The following SEC61A1 variants were observed in gnomAD, a reference collection of about 807,000 sequenced individuals.
SEC61A1 encodes SEC61 translocon subunit alpha 1.
A neutral mutation model predicts 55.2 loss-of-function variants in SEC61A1; 15 were observed. That is an observed-to-expected ratio of 0.27 (90% CI 0.18 to 0.42). The LOEUF (loss-of-function observed/expected upper bound fraction) is 0.42. SEC61A1 is among the 10% of genes least tolerant of loss of function. SEC61A1 has a pLI of 1.00. For synonymous variants in SEC61A1, 247 were observed against 234.0 expected (o/e 1.06, Z -0.51); for missense variants, 284 against 602.6 (o/e 0.47, Z 5.53).
At chr3:128,055,095 A>G (rs1323983567) in intron 2 of SEC61A1, among the ~76,000 whole-genome samples, 6 of 152,224 alleles carry the variant, frequency 3.9e-5, no homozygotes, top group Non-Finnish European at 7.3e-5. Flanking sequence ...TGAAACTCAA[A>G]TGAAAAGTGG....
intron 8 of SEC61A1, chr3:128,066,581 C>T (rs1333172558): frequency 1.3e-5 from 3 of 227,700 alleles, no homozygotes; most frequent in African/African-American, 6.9e-5. Context: ...CACCACCACA[C>T]CCGGCCAGTT....
In SEC61A1 at chr3:128,070,270, A is replaced by C. The variant is rs2107655763; in HGVS notation, c.*608A>C. 1 of 151,874 alleles carries C rather than the reference A, an allele frequency of 6.6e-6. No homozygotes were observed. Among genetic ancestry groups the C allele is most frequent in the Non-Finnish European group, 1.5e-5 (1 of 67,914 alleles). The allele number at this position is 151,874 out of a possible 1,614,324, so 9.4% of individuals were successfully genotyped here. On this transcript the variant is annotated 3_prime_UTR_variant, in exon 12 of 12. Coordinates refer to ENST00000243253, the MANE Select transcript of SEC61A1 (RefSeq NM_013336.4). Reference sequence around the variant, plus strand: ...GAGAGGGATGGCTTTCCCAGAAGACACTCCTGGCCATCTGTGGATTTGTCT... The same window carrying C: ...GAGAGGGATGGCTTTCCCAGAAGACCCTCCTGGCCATCTGTGGATTTGTCT...
chr3:128,058,708 A>G (rs940751200), intron 5 of SEC61A1, among the ~76,000 whole-genome samples: 2 of 152,118 alleles, frequency 1.3e-5, no homozygotes, highest in African/African-American at 4.8e-5. Flanking sequence ...CTACAAAACA[A>G]CAACAACAAA....
chr3:128,065,438 G>A (rs1336792737), intron 8 of SEC61A1, among the ~76,000 whole-genome samples: 2 of 152,194 alleles, frequency 1.3e-5, no homozygotes, highest in African/African-American at 4.8e-5. Flanking sequence ...TTCTTAAGCT[G>A]TCTTACCTTT....
chr3:128,054,444 CAAGAG>C (rs1273841290), intron 2 of SEC61A1, among the ~76,000 whole-genome samples: 3 of 152,190 alleles, frequency 2.0e-5, no homozygotes, highest in African/African-American at 4.8e-5. Context: ...GGACCATTCT[CAAGAG>C]AAGAAGAGTC....
Position 128,069,647 on chromosome 3 carries a change from G to A in SEC61A1, c.1416G>A (p.Gly472=). The A allele has an allele frequency of 6.2e-7, 1 of 1,614,080 alleles. No individual in the cohort carries two copies. Among genetic ancestry groups the A allele is most frequent in the Non-Finnish European group, 8.5e-7 (1 of 1,180,004 alleles). The change falls in exon 12 of 12, where the codon GGG becomes GGA. Residue 472 remains glycine, a synonymous_variant. Coordinates refer to ENST00000243253, the MANE Select transcript of SEC61A1 (RefSeq NM_013336.4). ...AGCAAAGCGAGGTTGGCAGCATGGG[G>A]GCCCTGCTCTTCTGAGCCCGTCTCC... ...VKEQSEVGSM[G]ALLF
chr3:128,052,705 A>C (rs1941707424), intron 1 of SEC61A1, 130 bp from the exon 2 acceptor site: 5 of 1,496,586 alleles, frequency 3.3e-6, no homozygotes, highest in African/African-American at 1.4e-5. Context: ...GAGTATCCCC[A>C]CGCGTCCGGG....
intron 8 of SEC61A1, 88 bp downstream of exon 8, chr3:128,065,125 GC>G: frequency 3.8e-6 from 5 of 1,317,614 alleles, no homozygotes; most frequent in Non-Finnish European, 5.5e-6. Context: ...TCTGTGGGGT[GC>G]ACTGTCATCA....
At chr3:128,069,447 C>T in intron 11 of SEC61A1, 29 bp from the exon 12 acceptor site, 1 of 1,600,006 alleles carries the variant, frequency 6.2e-7, no homozygotes, top group Middle Eastern at 1.8e-4. Context: ...CTGTGGGTGT[C>T]CAGGAGCTGA....
In SEC61A1 at chr3:128,060,121, T is replaced by C. The variant is rs192396117; in HGVS notation, c.372T>C (p.Thr124=). ...TTCTAGTATTTGGCATGATCATTAC[T>C]ATCGGCCAGTCTATCGTGTATGTGA... is the stretch of plus-strand genomic sequence containing the variant. ...GAQKLFGMII[T]IGQSIVYVMT... is the part of the protein sequence containing the mutation. Residue 124 remains threonine (T), a synonymous_variant, in exon 6 of 12, where the codon ACT becomes ACC. Coordinates refer to ENST00000243253, the MANE Select transcript of SEC61A1 (RefSeq NM_013336.4). The C allele has an allele frequency of 1.6e-4, 255 of 1,613,734 alleles. 1 individual carries two copies. The East Asian group carries it at 4.0e-3, about 26-fold the overall frequency.
chr3:128,052,214 C>T (rs1941688026), upstream of SEC61A1, among the ~76,000 whole-genome samples: 1 of 152,006 alleles, frequency 6.6e-6, no homozygotes, highest in African/African-American at 2.4e-5. Flanking sequence ...CAAGTCTGCG[C>T]AGCCGCACAC....
At chr3:128,055,366 T>A (rs750996199) in intron 2 of SEC61A1, 150 bp from the exon 3 acceptor site, 19 of 683,602 alleles carry the variant, frequency 2.8e-5, no homozygotes, top group Non-Finnish European at 4.2e-5. Flanking sequence ...ATGGTACTTA[T>A]GTTTGGTACA....
intron 7 of SEC61A1, among the ~76,000 whole-genome samples, chr3:128,061,161 C>T (rs943575372): frequency 6.6e-6 from 1 of 152,232 alleles, no homozygotes; most frequent in Non-Finnish European, 1.5e-5. Context: ...GCGTTCAAAT[C>T]CTGGCTGTTC....
At chr3:128,060,778 A>C (rs1055282826) in intron 7 of SEC61A1, 117 bp downstream of exon 7, 4 of 1,107,580 alleles carry the variant, frequency 3.6e-6, no homozygotes, top group Admixed American at 6.0e-5. Flanking sequence ...TTTTAGGTTT[A>C]TCTCTTCTGG....
intron 8 of SEC61A1, among the ~76,000 whole-genome samples, chr3:128,065,602 G>A (rs1444908788): frequency 1.3e-5 from 2 of 152,102 alleles, no homozygotes; most frequent in African/African-American, 4.8e-5. Flanking sequence ...GCAGTTTGAT[G>A]TTTGTGAAAG....
At chr3:128,062,396 CA>C (rs2107645537) in intron 7 of SEC61A1, among the ~76,000 whole-genome samples, 1 of 152,330 alleles carries the variant, frequency 6.6e-6, no homozygotes, top group African/African-American at 2.4e-5. Flanking sequence ...ATTCTACAGG[CA>C]GAGACAGTAA....
chr3:128,052,432 G>C (rs1342017635), upstream of SEC61A1: 7 of 1,400,160 alleles, frequency 5.0e-6, no homozygotes, highest in Non-Finnish European at 6.5e-6. Flanking sequence ...CGCCGGGCTA[G>C]CACTGACGTG....
chr3:128,053,154 GTT>G (rs1941715317), intron 2 of SEC61A1, among the ~76,000 whole-genome samples: 1 of 152,130 alleles, frequency 6.6e-6, no homozygotes, highest in South Asian at 2.1e-4. Flanking sequence ...AAAGCCTCCG[GTT>G]GCCCTGTCCC....
chr3:128,052,719 C>G (rs1409955893), intron 1 of SEC61A1, 116 bp from the exon 2 acceptor site: 16 of 1,484,916 alleles, frequency 1.1e-5, no homozygotes, highest in African/African-American at 2.8e-5. Context: ...GTCCGGGGTG[C>G]GGCCGGCTCC....
Sources: gnomAD v4.1 joint callset for allele counts (sites outside exome capture counted in the v4.1 genomes callset) on GRCh38, gnomAD v4.1.1 for gene constraint, MANE v1.5 for transcripts, NCBI Gene and HGNC (gene_info 2026-07-23, HGNC 2026-07-21) for gene names.